The following DACH2 variants were observed in gnomAD, a reference collection of about 807,000 sequenced individuals.
DACH2 encodes the protein dachshund family transcription factor 2.
In DACH2, 17 loss-of-function variants were observed where a neutral mutation model predicts 35.8. The observed-to-expected ratio is 0.48, with a 90% CI of 0.33 to 0.71. The LOEUF (loss-of-function observed/expected upper bound fraction) is 0.71. Among genes scored for constraint, DACH2 ranks in the 30% least tolerant of loss-of-function variants. DACH2 has a pLI of 0.02. For missense variants in DACH2, 469 were observed against 472.7 expected (o/e 0.99, Z 0.07); for synonymous variants, 195 against 177.3 (o/e 1.10, Z -0.79).
At chrX:86,499,518 G>C (rs1026636409) in intron 2 of DACH2, among the ~76,000 whole-genome samples, 1 of 111,624 alleles carries the variant, frequency 9.0e-6, no homozygotes, top group Non-Finnish European at 1.9e-5. Context: ...ATGGTATTCA[G>C]AAGGGCTAGA....
At chrX:86,470,458 A>G (rs1244947025) in intron 2 of DACH2, among the ~76,000 whole-genome samples, 16 of 111,779 alleles carry the variant, frequency 1.4e-4, no homozygotes, top group Non-Finnish European at 7.5e-5. Flanking sequence ...AGGATAAATC[A>G]TATGTAGCAT....
intron 2 of DACH2, among the ~76,000 whole-genome samples, chrX:86,403,798 C>T (rs1379570079): frequency 9.0e-6 from 1 of 111,156 alleles, no homozygotes; most frequent in Admixed American, 9.6e-5. Flanking sequence ...AGTCTGTTTT[C>T]ACTCTGCTAT....
intron 2 of DACH2, among the ~76,000 whole-genome samples, chrX:86,430,030 C>T (rs768890077): frequency 8.9e-6 from 1 of 112,232 alleles, no homozygotes; most frequent in South Asian, 3.7e-4. Flanking sequence ...TTATGGAATC[C>T]ATCTGATTTC....
intron 6 of DACH2, among the ~76,000 whole-genome samples, chrX:86,730,903 A>G (rs1253491394): frequency 9.0e-6 from 1 of 111,327 alleles, no homozygotes; most frequent in African/African-American, 3.3e-5. Context: ...TATTTTTCAC[A>G]TTCCTAAAAA....
chrX:86,380,367 T>C (rs976696026), intron 2 of DACH2, among the ~76,000 whole-genome samples: 1 of 110,460 alleles, frequency 9.1e-6, no homozygotes, highest in African/African-American at 3.3e-5. Flanking sequence ...CAATATATTT[T>C]ATAACCGGCC....
At chrX:86,502,011 TTTCCTTCCTTCCTTCC>T (rs533021751) in intron 2 of DACH2, among the ~76,000 whole-genome samples, 20 of 95,548 alleles carry the variant, frequency 2.1e-4, no homozygotes, top group South Asian at 2.0e-3. Flanking sequence ...TCTTTCCTTC[TTTCCTTCCTTCCTTCC>T]TTCCTTCCTT....
At chrX:86,626,213 C>T (rs1227625947) in intron 3 of DACH2, among the ~76,000 whole-genome samples, 2 of 112,555 alleles carry the variant, frequency 1.8e-5, no homozygotes, top group Admixed American at 1.9e-4. Flanking sequence ...AAGCCTTTTG[C>T]AAGTCTGAAA....
At chrX:86,582,426 A>AT (rs748345664) in intron 3 of DACH2, among the ~76,000 whole-genome samples, 3 of 111,276 alleles carry the variant, frequency 2.7e-5, no homozygotes, top group South Asian at 7.4e-4. Context: ...TCAGGAGTTT[A>AT]TTTTTTTGAA....
chrX:86,830,587 A>G (rs1448448147), intron 11 of DACH2: 1 of 111,384 alleles, frequency 9.0e-6, no homozygotes, highest in Non-Finnish European at 1.9e-5. Flanking sequence ...CAAAAGTAGA[A>G]ATTTTTCAGA....
chrX:86,668,478 A>G (rs1488102367), intron 4 of DACH2, among the ~76,000 whole-genome samples: 1 of 112,178 alleles, frequency 8.9e-6, no homozygotes, highest in Non-Finnish European at 1.9e-5. Context: ...TGCAGCATGA[A>G]CTAATCTTCA....
chrX:86,651,199 C>T (rs774976359), intron 4 of DACH2, 32 bp downstream of exon 4: 2 of 1,189,324 alleles, frequency 1.7e-6, no homozygotes, highest in Non-Finnish European at 2.3e-6. Context: ...AGACCAATGA[C>T]TCTTACTGTT....
At chrX:86,614,890 T>G (rs183126096) in intron 3 of DACH2, among the ~76,000 whole-genome samples, 198 of 112,145 alleles carry the variant, frequency 1.8e-3, no homozygotes, top group Non-Finnish European at 2.5e-3. Flanking sequence ...TTCTCTATGT[T>G]TTTGATACAA....
chrX:86,814,763 A>G lies in DACH2; in HGVS notation c.1613A>G (p.Lys538Arg), dbSNP rs2147353085. Residue 538 changes from lysine to arginine, a missense_variant, in exon 10 of 12, where the codon AAG becomes AGG. This residue lies in a region of DACH2 where 363 missense variants were observed against 334.4 expected (regional missense o/e 1.09). Coordinates refer to ENST00000373125, the MANE Select transcript of DACH2 (RefSeq NM_053281.3). ...KLQEALEFESKRREQVEQALK... is the reference protein window; with the variant it reads ...KLQEALEFESRRREQVEQALK... ...CAGGAAGCCTTGGAATTTGAATCAA[A>G]GCGCCGGGAGCAAGTGGAGCAGGCA... 2.5e-6 allele frequency: 3 copies of G among 1,211,525 alleles called. No homozygotes were observed. The South Asian group carries it at 5.3e-5, about 21-fold the overall frequency.
intron 4 of DACH2, among the ~76,000 whole-genome samples, chrX:86,657,071 A>C (rs1246894094): frequency 9.3e-6 from 1 of 107,495 alleles, no homozygotes; most frequent in Non-Finnish European, 1.9e-5. Context: ...GATAGAGAGT[A>C]GAAGGTGGCT....
intron 2 of DACH2, among the ~76,000 whole-genome samples, chrX:86,388,579 A>G (rs958714480): frequency 1.8e-5 from 2 of 111,651 alleles, no homozygotes; most frequent in African/African-American, 6.5e-5. Flanking sequence ...CCTCCCTGGA[A>G]ATGCTACGTT....
At chrX:86,783,304 G>A (rs1447231019) in intron 7 of DACH2, among the ~76,000 whole-genome samples, 1 of 111,881 alleles carries the variant, frequency 8.9e-6, no homozygotes, top group Non-Finnish European at 1.9e-5. Context: ...GGGACCCCTC[G>A]TAAACTGTTG....
chrX:86,289,204 C>A lies in DACH2; in HGVS notation c.489-87620C>A, dbSNP rs59905714. 7.3e-3 allele frequency among the ~76,000 whole-genome samples: 782 copies of A among 107,607 alleles called. 5 individuals are homozygous for A. The highest frequency in any genetic ancestry group is 0.026 in the African/African-American group (769 of 29,496). 93.4% of individuals were successfully genotyped at this position (107,607 alleles called of 115,157 possible). A position where few individuals can be genotyped will look rare whatever the true frequency, so the allele number is the denominator to read the frequency against. On this transcript the variant is annotated intron_variant, in intron 1 of 11. Coordinates refer to ENST00000373125, the MANE Select transcript of DACH2 (RefSeq NM_053281.3). Reference sequence around the variant, plus strand: ...CAGGAGGAAGGTCCTGGAAAGGGTGCCTCATGACTGACCAGTGCCCTATTC... The same window carrying A: ...CAGGAGGAAGGTCCTGGAAAGGGTGACTCATGACTGACCAGTGCCCTATTC...
intron 2 of DACH2, among the ~76,000 whole-genome samples, chrX:86,441,976 T>A (rs1178742879): frequency 9.2e-6 from 1 of 109,131 alleles, no homozygotes; most frequent in African/African-American, 3.3e-5. Context: ...GTGATTATCC[T>A]GCCTCAGCCT....
intron 7 of DACH2, among the ~76,000 whole-genome samples, chrX:86,773,773 AC>A (rs1361591306): frequency 9.0e-6 from 1 of 111,506 alleles, no homozygotes; most frequent in African/African-American, 3.3e-5. Context: ...TTACCACCTC[AC>A]CACCACCACC....
Sources: allele counts gnomAD v4.1 joint callset (sites outside exome capture counted in the v4.1 genomes callset), GRCh38; gene constraint gnomAD v4.1.1; regional missense constraint gnomAD v4.1.1; transcripts MANE v1.5; gene names NCBI Gene and HGNC (gene_info 2026-07-23, HGNC 2026-07-21).